The following SRGAP1 variants were observed in gnomAD, a reference collection of about 807,000 sequenced individuals.
SRGAP1 encodes SLIT-ROBO Rho GTPase-activating protein 1.
Under a neutral mutation model 121.9 loss-of-function variants are expected in SRGAP1, and 43 were observed. The ratio of observed to expected loss-of-function variants is 0.35; its 90% confidence interval spans 0.28 to 0.46. SRGAP1 has a LOEUF of 0.46. SRGAP1 is among the 20% of genes least tolerant of loss of function. SRGAP1 has a pLI of 1.00. For synonymous variants in SRGAP1, 447 were observed against 485.4 expected, an observed-to-expected ratio of 0.92 and a Z score of 1.04; for missense variants, 1,102 against 1,350.9, an observed-to-expected ratio of 0.82 and a Z score of 2.89.
intron 21 of SRGAP1, among the ~76,000 whole-genome samples, chr12:64,130,325 G>A (rs2036765211): frequency 6.6e-6 from 1 of 152,122 alleles, no homozygotes; most frequent in Admixed American, 6.6e-5. Flanking sequence ...CATTGTTGCT[G>A]TGTCTCCTGG....
chr12:64,062,813 C>T, intron 6 of SRGAP1, 104 bp from the exon 7 acceptor site: 1 of 760,704 alleles, frequency 1.3e-6, no homozygotes, highest in Non-Finnish European at 2.1e-6. Flanking sequence ...TGAAAGCTTA[C>T]CCCCATGTTT....
chr12:64,075,926 A>AC (rs71926302), intron 8 of SRGAP1, among the ~76,000 whole-genome samples: 1 of 118,686 alleles, frequency 8.4e-6, no homozygotes, highest in African/African-American at 3.1e-5. Context: ...GTTCAAAAAA[A>AC]AAAAAAAGTA....
intron 1 of SRGAP1, among the ~76,000 whole-genome samples, chr12:63,911,719 C>A (rs1166431329): frequency 1.3e-5 from 2 of 152,180 alleles, no homozygotes; most frequent in African/African-American, 4.8e-5. Context: ...TTAAGCATCA[C>A]CCCGATTACA....
At chr12:63,924,047 A>G (rs1397991652) in intron 1 of SRGAP1, among the ~76,000 whole-genome samples, 1 of 152,196 alleles carries the variant, frequency 6.6e-6, no homozygotes, top group Non-Finnish European at 1.5e-5. Flanking sequence ...AGGCCAAGGC[A>G]GGAGAATCGC....
chr12:64,079,152 T>C, intron 9 of SRGAP1, 36 bp downstream of exon 9: 1 of 1,611,604 alleles, frequency 6.2e-7, no homozygotes, highest in Non-Finnish European at 8.5e-7. Flanking sequence ...TCTACAGAGC[T>C]CAGATCTAGG....
intron 13 of SRGAP1, 21 bp from the exon 14 acceptor site, chr12:64,095,106 T>C (rs747985516): frequency 1.2e-6 from 2 of 1,613,570 alleles, no homozygotes; most frequent in South Asian, 1.1e-5. Flanking sequence ...TTTTATCCTC[T>C]TTCCCTTCTT....
intron 1 of SRGAP1, among the ~76,000 whole-genome samples, chr12:63,885,368 A>G (rs562046114): frequency 8.5e-5 from 13 of 152,318 alleles, no homozygotes; most frequent in African/African-American, 2.9e-4. Context: ...CGAGGTATGG[A>G]GTAAGGCACG....
intron 1 of SRGAP1, among the ~76,000 whole-genome samples, chr12:63,969,064 T>G (rs973515901): frequency 4.6e-5 from 7 of 152,180 alleles, no homozygotes; most frequent in African/African-American, 1.7e-4. Flanking sequence ...CTTCTTGAAT[T>G]TTACTCGTTT....
chr12:64,099,541 A>G (rs2036221330), intron 15 of SRGAP1, among the ~76,000 whole-genome samples: 1 of 152,126 alleles, frequency 6.6e-6, no homozygotes, highest in Admixed American at 6.5e-5. Flanking sequence ...CCCGGTCATA[A>G]TCCTCCCCAG....
rs370399840 is a variant in SRGAP1, at chr12:64,002,376, A to T, written c.426+12304A>T. Among the ~76,000 whole-genome samples, 748 of 152,228 alleles carry T rather than the reference A, an allele frequency of 4.9e-3. 5 individuals are homozygous for T. Among genetic ancestry groups the T allele is most frequent in the African/African-American group, 0.017 (686 of 41,532 alleles). ...GGGTGGGGCAACAACCTGTTGTTTT[A>T]TTTTCTGTCTGTCCTGCTGCCACTT... On this transcript the variant is annotated intron_variant, in intron 3 of 21. Coordinates refer to ENST00000355086, the MANE Select transcript of SRGAP1 (RefSeq NM_020762.4).
chr12:64,010,946 G>A (rs184910281), intron 3 of SRGAP1, among the ~76,000 whole-genome samples: 1 of 151,494 alleles, frequency 6.6e-6, no homozygotes, highest in Non-Finnish European at 1.5e-5. Flanking sequence ...CAAAAGGAAG[G>A]AAAGACCTAA....
intron 4 of SRGAP1, among the ~76,000 whole-genome samples, chr12:64,041,108 T>G (rs1052454994): frequency 6.6e-6 from 1 of 152,124 alleles, no homozygotes; most frequent in African/African-American, 2.4e-5. Context: ...TAGATATACA[T>G]CAAAGGTTTT....
chr12:64,118,082 G>T (rs1017800055), intron 18 of SRGAP1, among the ~76,000 whole-genome samples: 3 of 152,148 alleles, frequency 2.0e-5, no homozygotes, highest in Admixed American at 6.6e-5. Context: ...TCAAGATCCT[G>T]ATTTCAGTTA....
chr12:63,849,737 G>T (rs907614473), intron 1 of SRGAP1, among the ~76,000 whole-genome samples: 14 of 152,162 alleles, frequency 9.2e-5, no homozygotes, highest in Non-Finnish European at 2.1e-4. Flanking sequence ...CTTTATAGCT[G>T]GGAGGGACTT....
chr12:63,858,807 A>T (rs1311712457), intron 1 of SRGAP1, among the ~76,000 whole-genome samples: 7 of 152,094 alleles, frequency 4.6e-5, no homozygotes, highest in Non-Finnish European at 8.8e-5. Flanking sequence ...GGTTCAAGCG[A>T]TTCTCCTGCC....
chr12:64,021,026 C>T (rs2034537332), intron 4 of SRGAP1, among the ~76,000 whole-genome samples: 1 of 151,706 alleles, frequency 6.6e-6, no homozygotes, highest in Non-Finnish European at 1.5e-5. Flanking sequence ...GACTCAAGCT[C>T]CTCCTACTGC....
At position 64,112,131 on chromosome 12, in the gene SRGAP1, A is replaced by G. The variant is rs918626985; in HGVS notation, c.2144+145A>G. The G allele has an allele frequency of 6.1e-6, 4 of 654,352 alleles. No individual in the cohort carries two copies. The Admixed American group carries it at 8.8e-5, about 14-fold the overall frequency. The allele number at this position is 654,352 out of a possible 1,614,324, so 40.5% of individuals were successfully genotyped here. ...GCAGTAAAACTTGAAATAAATTTTT[A>G]GAATACTAAGACCCATGGAAACTCA... On this transcript the variant is annotated intron_variant, in intron 17 of 21. Coordinates refer to ENST00000355086, the MANE Select transcript of SRGAP1 (RefSeq NM_020762.4).
At chr12:64,088,698 G>T (rs796696758) in intron 11 of SRGAP1, among the ~76,000 whole-genome samples, 1 of 152,136 alleles carries the variant, frequency 6.6e-6, no homozygotes, top group Non-Finnish European at 1.5e-5. Flanking sequence ...TTCATTCCAG[G>T]TTCCTCTCAC....
intron 3 of SRGAP1, among the ~76,000 whole-genome samples, chr12:64,004,672 A>G (rs1174211549): frequency 1.3e-5 from 2 of 152,150 alleles, no homozygotes; most frequent in East Asian, 3.9e-4. Context: ...GCTCGGCCCA[A>G]TAAAGTTCAT....
Sources: gnomAD v4.1 joint callset for allele counts (sites outside exome capture counted in the v4.1 genomes callset) on GRCh38, gnomAD v4.1.1 for gene constraint, MANE v1.5 for transcripts, NCBI Gene and HGNC (gene_info 2026-07-23, HGNC 2026-07-21) for gene names.